The following SEC14L1 variants were observed in gnomAD, a reference collection of about 807,000 sequenced individuals.
The protein encoded by SEC14L1 is SEC14-like protein 1.
A neutral mutation model predicts 85.3 loss-of-function variants in SEC14L1; 48 were observed. That is an observed-to-expected ratio of 0.56 (90% CI 0.45 to 0.72). The LOEUF (loss-of-function observed/expected upper bound fraction) is 0.72, where lower values mean the gene tolerates loss of function less well. SEC14L1 is among the 30% of genes least tolerant of loss of function. The pLI is 0.00. For synonymous variants in SEC14L1, 391 were observed against 355.5 expected (o/e 1.10, Z -1.12); for missense variants, 682 against 921.4 (o/e 0.74, Z 3.36).
At chr17:77,160,082 T>G (rs549669145) in intron 3 of SEC14L1, among the ~76,000 whole-genome samples, 250 of 152,368 alleles carry the variant, frequency 1.6e-3, no homozygotes, top group African/African-American at 5.8e-3. Context: ...TAATAAACAG[T>G]GAGTGATCAG....
chr17:77,123,527 T>A (rs1972358849), intron 3 of SEC14L1, among the ~76,000 whole-genome samples: 1 of 150,010 alleles, frequency 6.7e-6, no homozygotes, highest in Admixed American at 6.7e-5. Flanking sequence ...TTCTCCCACC[T>A]CAGCCTCCTA....
Position 77,143,567 on chromosome 17 carries a change from G to A in SEC14L1, c.-30G>A, listed in dbSNP as rs1003941204. Reference sequence around the variant, plus strand: ...TATCACATATATTTATGTTTTGCAGGTGTGAGAGGGTTGCTGTTGTATTGC... The same window carrying A: ...TATCACATATATTTATGTTTTGCAGATGTGAGAGGGTTGCTGTTGTATTGC... On this transcript the variant is annotated splice_region_variant and 5_prime_UTR_variant, in exon 3 of 17. It adds an upstream start codon to the 5' untranslated region. Coordinates refer to ENST00000436233, the MANE Select transcript of SEC14L1 (RefSeq NM_001143998.2). 19 of 1,592,524 alleles carry A rather than the reference G, an allele frequency of 1.2e-5. No homozygotes were observed. In the African/African-American group the frequency reaches 2.0e-4, roughly 17 times the overall value.
rs1976960332 is a variant in SEC14L1, at chr17:77,214,831, C to T, written c.*808C>T. 1.0e-6 allele frequency: 1 copy of T among 985,604 alleles called. No individual in the cohort carries two copies. The highest frequency in any genetic ancestry group is 1.7e-5 in the African/African-American group (1 of 57,350). The allele number at this position is 985,604 out of a possible 1,614,324, so 61.1% of individuals were successfully genotyped here. On this transcript the variant is annotated 3_prime_UTR_variant, in exon 17 of 17. Transcript: ENST00000436233. ...CGCCCCTCTCACCTGCAGTCAGCTC[C>T]CAGCCCAGTGTAGGCCATCTCCTCT... is the stretch of plus-strand genomic sequence containing the variant.
Position 77,163,203 on chromosome 17 carries a change from C to T in SEC14L1, c.63+19544C>T, listed in dbSNP as rs113272488. 3.5e-3 allele frequency among the ~76,000 whole-genome samples: 530 copies of T among 152,138 alleles called. 1 individual carries two copies. Among genetic ancestry groups the T allele is most frequent in the African/African-American group, 0.012 (490 of 41,486 alleles). The stretch of plus-strand genomic sequence containing the variant: ...ATAGAGTCTGTGAAAATCGATGATA[C>T]GAATTGGACTTACCCTGTCACACCC... On this transcript the variant is annotated intron_variant, in intron 3 of 16. Transcript: ENST00000436233.
intron 3 of SEC14L1, among the ~76,000 whole-genome samples, chr17:77,165,637 T>C (rs1052434863): frequency 6.6e-6 from 1 of 152,184 alleles, no homozygotes; most frequent in Non-Finnish European, 1.5e-5. Context: ...GGGGAGTGTT[T>C]TATTCCCAGT....
chr17:77,170,163 A>G (rs1207639841), intron 3 of SEC14L1, among the ~76,000 whole-genome samples: 1 of 152,208 alleles, frequency 6.6e-6, no homozygotes, highest in African/African-American at 2.4e-5. Flanking sequence ...AGATCTGGTT[A>G]TATTAATAAT....
At chr17:77,153,354 A>G (rs1973656091) in intron 3 of SEC14L1, among the ~76,000 whole-genome samples, 1 of 152,250 alleles carries the variant, frequency 6.6e-6, no homozygotes, top group Non-Finnish European at 1.5e-5. Context: ...GGCGTGAACC[A>G]CTGAGCCTGG....
chr17:77,185,267 G>C (rs1567916594), intron 3 of SEC14L1: 1 of 985,412 alleles, frequency 1.0e-6, no homozygotes, highest in Non-Finnish European at 1.2e-6. Flanking sequence ...GGGAGTAAGG[G>C]AGGCGCTTGC....
At chr17:77,158,132 C>T (rs1377309917) in intron 3 of SEC14L1, among the ~76,000 whole-genome samples, 20 of 152,304 alleles carry the variant, frequency 1.3e-4, no homozygotes, top group Non-Finnish European at 1.5e-5. Context: ...TCATGATCCA[C>T]CCACCTTGGC....
chr17:77,135,059 C>A (rs986028975), intron 3 of SEC14L1, among the ~76,000 whole-genome samples: 19 of 152,158 alleles, frequency 1.2e-4, no homozygotes, highest in African/African-American at 3.1e-4. Context: ...GCAAGGACAC[C>A]AGTGGCCCTC....
rs1220443465 is a variant in SEC14L1, at chr17:77,186,540, A to T, written c.64-4263A>T. Reference sequence around the variant, plus strand: ...TTCCCTCCCTCCTGTACTGACTACCATGGTCCCTTGTGCGTAGGCAGCTGG... The same window carrying T: ...TTCCCTCCCTCCTGTACTGACTACCTTGGTCCCTTGTGCGTAGGCAGCTGG... On this transcript the variant is annotated intron_variant, in intron 3 of 16. Coordinates refer to ENST00000436233, the MANE Select transcript of SEC14L1 (RefSeq NM_001143998.2). Among the ~76,000 whole-genome samples, 6 of 152,184 alleles carry T rather than the reference A, an allele frequency of 3.9e-5. No homozygotes were observed. In the East Asian group the frequency reaches 1.2e-3, roughly 29 times the overall value.
intron 3 of SEC14L1, among the ~76,000 whole-genome samples, chr17:77,178,155 G>T (rs150130161): frequency 6.8e-6 from 1 of 146,504 alleles, no homozygotes; most frequent in African/African-American, 2.5e-5. Context: ...TCTTAAAGCG[G>T]ATGGAGCTGT....
At position 77,203,997 on chromosome 17, in the gene SEC14L1, C is replaced by T. The variant is rs113968892; in HGVS notation, c.1098+339C>T. Among the ~76,000 whole-genome samples, 341 of 152,176 alleles carry T rather than the reference C, an allele frequency of 2.2e-3. 1 individual carries two copies. Among genetic ancestry groups the T allele is most frequent in the African/African-American group, 7.4e-3 (307 of 41,518 alleles). On this transcript the variant is annotated intron_variant, in intron 10 of 16. Transcript: ENST00000436233. ...GATAGCATTCTTTCCACTGGCCCTT[C>T]GTTAACGCGAGCTCTTGGCGTCTTT...
chr17:77,174,959 A>T (rs1323136900), intron 3 of SEC14L1, among the ~76,000 whole-genome samples: 1 of 152,182 alleles, frequency 6.6e-6, no homozygotes, highest in Admixed American at 6.5e-5. Context: ...AACTGATCCC[A>T]GTTGGCTAAG....
chr17:77,100,073 C>T (rs1971732076), intron 3 of SEC14L1, among the ~76,000 whole-genome samples: 1 of 152,260 alleles, frequency 6.6e-6, no homozygotes, highest in Non-Finnish European at 1.5e-5. Flanking sequence ...CAGCGGGAGC[C>T]ATTTTCCATT....
chr17:77,200,414 C>T (rs1976072688), intron 8 of SEC14L1, 70 bp from the exon 9 acceptor site: 8 of 1,260,450 alleles, frequency 6.3e-6, no homozygotes, highest in Admixed American at 1.8e-5. Context: ...AGCGATCCGT[C>T]CACCGCAGCC....
chr17:77,138,100 T>A (rs1036373416), upstream of SEC14L1, among the ~76,000 whole-genome samples: 1 of 151,956 alleles, frequency 6.6e-6, no homozygotes, highest in African/African-American at 2.4e-5. Context: ...TTGTGCTGAG[T>A]CAGTTCCTGG....
intron 13 of SEC14L1, among the ~76,000 whole-genome samples, chr17:77,207,234 C>A (rs1043920887): frequency 9.5e-5 from 14 of 147,252 alleles, no homozygotes; most frequent in African/African-American, 3.5e-4. Context: ...CCCGCCCCTC[C>A]CCGTCCTTTT....
chr17:77,097,903 A>G (rs1005374726), intron 3 of SEC14L1, among the ~76,000 whole-genome samples: 7 of 152,176 alleles, frequency 4.6e-5, no homozygotes, highest in African/African-American at 1.7e-4. Flanking sequence ...ACTACGGAGG[A>G]GCACGGGATG....
Sources: gnomAD v4.1 joint callset for allele counts (sites outside exome capture counted in the v4.1 genomes callset) on GRCh38, gnomAD v4.1.1 for gene constraint, MANE v1.5 for transcripts, NCBI Gene and HGNC (gene_info 2026-07-23, HGNC 2026-07-21) for gene names.